Variants in ENPP1 observed in about 807,000 individuals in gnomAD.
ENPP1 encodes ectonucleotide pyrophosphatase/phosphodiesterase 1, also known as ectonucleotide pyrophosphatase/phosphodiesterase family member 1.
Under a neutral mutation model 122.8 loss-of-function variants are expected in ENPP1, and 73 were observed. That is an observed-to-expected ratio of 0.59 (90% CI 0.49 to 0.72). ENPP1 has a LOEUF of 0.72. Ranked by LOEUF, ENPP1 falls within the 30% of genes least tolerant of loss-of-function variation. The pLI is 0.00. For synonymous variants in ENPP1, 367 were observed against 391.6 expected, an observed-to-expected ratio of 0.94 and a Z score of 0.74; for missense variants, 978 against 1,128.1, an observed-to-expected ratio of 0.87 and a Z score of 1.91.
intron 12 of ENPP1, among the ~76,000 whole-genome samples, chr6:131,868,669 T>G (rs1195223721): frequency 6.6e-6 from 1 of 152,242 alleles, no homozygotes; most frequent in Non-Finnish European, 1.5e-5. Context: ...GGTCTCAAAC[T>G]CTTGCTCTCA....
chr6:131,830,510 A>G (rs764362096), intron 1 of ENPP1, among the ~76,000 whole-genome samples: 4 of 152,218 alleles, frequency 2.6e-5, no homozygotes, highest in Non-Finnish European at 5.9e-5. Context: ...CAGGCAGGGA[A>G]AGGATGTGAA....
intron 4 of ENPP1, 139 bp from the exon 5 acceptor site, chr6:131,852,036 C>T: frequency 1.6e-6 from 1 of 641,562 alleles, no homozygotes; most frequent in South Asian, 1.8e-5. Flanking sequence ...TGATTATACA[C>T]CTCCAGAGTC....
At chr6:131,853,714 A>G (rs2114694935) in intron 5 of ENPP1, among the ~76,000 whole-genome samples, 1 of 152,206 alleles carries the variant, frequency 6.6e-6, no homozygotes, top group East Asian at 1.9e-4. Context: ...AAGGCAAGGT[A>G]AGGTATTTCC....
rs559548121 is a variant in ENPP1 at position 131,823,367 on chromosome 6, T to A, written c.240+15092T>A. On this transcript the variant is annotated intron_variant, in intron 1 of 24. Transcript: ENST00000647893. ...GATGTATAGTACATGCAATATTATGTGCATACTTTGTATTAAGGAGATTGT... is the reference window on the plus strand; with the variant it reads ...GATGTATAGTACATGCAATATTATGAGCATACTTTGTATTAAGGAGATTGT... 8.3e-4 allele frequency among the ~76,000 whole-genome samples: 126 copies of A among 152,282 alleles called. 1 individual carries two copies. Among genetic ancestry groups the A allele is most frequent in the African/African-American group, 2.9e-3 (121 of 41,548 alleles).
Position 131,826,991 on chromosome 6 carries a change from G to C in ENPP1, c.240+18716G>C, listed in dbSNP as rs1344422933. 6 of 473,504 alleles carry C rather than the reference G, an allele frequency of 1.3e-5. No individual in the cohort carries two copies. In the East Asian group the frequency reaches 2.8e-4, roughly 22 times the overall value. The allele number at this position is 473,504 out of a possible 1,614,324, so 29.3% of individuals were successfully genotyped here. On this transcript the variant is annotated intron_variant, in intron 1 of 24. Transcript: ENST00000647893. ...TGCTCCAAAAAGCCAGTGCAGGATG[G>C]TCTACTACCAGAGATGAATGGTCCA... is the stretch of plus-strand genomic sequence containing the variant.
rs745886528 is a variant in ENPP1, at chr6:131,856,712, A to T, written c.715+1689A>T. Among the ~76,000 whole-genome samples, 955 of 143,996 alleles carry T rather than the reference A, an allele frequency of 6.6e-3. 4 individuals carry two copies. The highest frequency in any genetic ancestry group is 0.011 in the Non-Finnish European group (729 of 66,128). 94.5% of individuals were successfully genotyped at this position (143,996 alleles called of 152,430 possible). A position where few individuals can be genotyped will look rare whatever the true frequency, so the allele number is the denominator to read the frequency against. ...CAGTTTCAGCTTTCTACATATGGCTAGCCAGTTTTCCCAGCACCATTTATT... is the reference window on the plus strand; with the variant it reads ...CAGTTTCAGCTTTCTACATATGGCTTGCCAGTTTTCCCAGCACCATTTATT... On this transcript the variant is annotated intron_variant, in intron 6 of 24. Coordinates refer to ENST00000647893, the MANE Select transcript of ENPP1 (RefSeq NM_006208.3).
chr6:131,826,916 A>G (rs1222893899), intron 1 of ENPP1: 7 of 392,304 alleles, frequency 1.8e-5, no homozygotes, highest in South Asian at 4.7e-5. Flanking sequence ...AATACCCAGC[A>G]TGGGATTTTT....
intron 1 of ENPP1, 89 bp from the exon 2 acceptor site, chr6:131,847,687 C>A: frequency 3.2e-6 from 3 of 923,584 alleles, no homozygotes; most frequent in South Asian, 1.5e-5. Flanking sequence ...GCCTGGGTAA[C>A]AGAGTAAGAC....
At chr6:131,856,607 G>A (rs1230311568) in intron 6 of ENPP1, among the ~76,000 whole-genome samples, 1 of 143,604 alleles carries the variant, frequency 7.0e-6, no homozygotes, top group Non-Finnish European at 1.5e-5. Flanking sequence ...TTCTTCTAGG[G>A]TTTTTATGGT....
intron 1 of ENPP1, among the ~76,000 whole-genome samples, chr6:131,817,169 T>C (rs1781425302): frequency 1.3e-5 from 2 of 152,224 alleles, no homozygotes; most frequent in Non-Finnish European, 2.9e-5. Flanking sequence ...TGATGGTAAC[T>C]GGAAGGACTT....
intron 7 of ENPP1, among the ~76,000 whole-genome samples, chr6:131,859,473 C>T (rs1218562787): frequency 6.6e-6 from 1 of 151,690 alleles, no homozygotes; most frequent in Non-Finnish European, 1.5e-5. Context: ...GCAACCTCCA[C>T]CTCCCGGGTT....
At chr6:131,826,010 A>G in intron 1 of ENPP1, 2 of 705,538 alleles carry the variant, frequency 2.8e-6, no homozygotes, top group Non-Finnish European at 5.3e-6. Context: ...GTCTGTAAAT[A>G]TTCTGTTACA....
chr6:131,871,410 T>A (rs568120838), intron 13 of ENPP1, among the ~76,000 whole-genome samples: 2 of 152,264 alleles, frequency 1.3e-5, no homozygotes, highest in Non-Finnish European at 2.9e-5. Context: ...CTTTGAAGTT[T>A]CCTCATACCC....
chr6:131,885,667 G>A (rs58565434), intron 23 of ENPP1, among the ~76,000 whole-genome samples: 6,467 of 152,202 alleles, frequency 0.042, 462 homozygotes, highest in African/African-American at 0.15. Context: ...TGTTAAGTCC[G>A]TAGGAAAAAG....
At chr6:131,847,142 A>G (rs142734390) in intron 1 of ENPP1, among the ~76,000 whole-genome samples, 1 of 152,330 alleles carries the variant, frequency 6.6e-6, no homozygotes, top group African/African-American at 2.4e-5. Flanking sequence ...ACCACAGTAC[A>G]TGTGAGGATG....
intron 1 of ENPP1, among the ~76,000 whole-genome samples, chr6:131,846,266 C>T (rs75726050): frequency 0.012 from 1,847 of 152,270 alleles, 30 homozygotes; most frequent in African/African-American, 0.03. Context: ...CTTAGCTTTC[C>T]GGAAATACTA....
chr6:131,858,695 T>C lies in ENPP1; in HGVS notation c.743T>C (p.Met248Thr). The change falls in exon 7 of 25, where the codon ATG (methionine) becomes ACG (threonine). Residue 248 changes from methionine to threonine, a missense_variant. Around this residue, in one of 3 missense-constraint regions of ENPP1, gnomAD observed 330 missense variants for 328.5 expected, o/e 1.00. Coordinates refer to ENST00000647893, the MANE Select transcript of ENPP1 (RefSeq NM_006208.3). Reference sequence around the variant, plus strand: ...AAATGTGGAACATATACTAAAAACATGAGACCGGTATATCCAACAAAAACT... The same window carrying C: ...AAATGTGGAACATATACTAAAAACACGAGACCGGTATATCCAACAAAAACT... ...LKKCGTYTKN[M>T]RPVYPTKTFP... 1 of 1,611,028 alleles carries C rather than the reference T, an allele frequency of 6.2e-7. No homozygotes were observed. The highest frequency in any genetic ancestry group is 8.5e-7 in the Non-Finnish European group (1 of 1,177,312).
At position 131,860,058 on chromosome 6, in the gene ENPP1, C is replaced by G. The variant is rs182527719; in HGVS notation, c.796-329C>G. 4.7e-4 allele frequency among the ~76,000 whole-genome samples: 71 copies of G among 152,288 alleles called. 3 individuals are homozygous for G. The East Asian group carries it at 0.012, about 26-fold the overall frequency. On this transcript the variant is annotated intron_variant, in intron 7 of 24. Coordinates refer to ENST00000647893, the MANE Select transcript of ENPP1 (RefSeq NM_006208.3). The stretch of plus-strand genomic sequence containing the variant: ...TGGCAAATGGTCTCCATCTCTTGAC[C>G]TCGTGATCCGCCTGCCTCAGCCTCC...
intron 1 of ENPP1, among the ~76,000 whole-genome samples, chr6:131,830,446 G>T (rs1338472224): frequency 2.0e-5 from 3 of 152,206 alleles, no homozygotes; most frequent in African/African-American, 7.2e-5. Flanking sequence ...TGGAGGAGCA[G>T]TGGTGCCTTT....
Sources: allele counts gnomAD v4.1 joint callset (sites outside exome capture counted in the v4.1 genomes callset), GRCh38; gene constraint gnomAD v4.1.1; regional missense constraint gnomAD v4.1.1; transcripts MANE v1.5; gene names NCBI Gene and HGNC (gene_info 2026-07-23, HGNC 2026-07-21).